Variants in RPF2 observed in about 807,000 individuals in gnomAD.
The protein encoded by RPF2 is ribosome production factor 2 homolog.
A neutral mutation model predicts 38.9 loss-of-function variants in RPF2; 21 were observed. The observed-to-expected ratio is 0.54, with a 90% CI of 0.38 to 0.78. The LOEUF is 0.78. Among genes scored for constraint, RPF2 ranks in the 30% least tolerant of loss-of-function variants. RPF2 has a pLI of 0.00. For missense variants in RPF2, 314 were observed against 358.1 expected (o/e 0.88, Z 0.99); for synonymous variants, 121 against 126.2 (o/e 0.96, Z 0.28).
chr6:111,002,058 T>A (rs951290207), intron 6 of RPF2, among the ~76,000 whole-genome samples: 1 of 152,148 alleles, frequency 6.6e-6, no homozygotes, highest in African/African-American at 2.4e-5. Context: ...GGAAGGCAGA[T>A]CACCTGAGCT....
intron 7 of RPF2, among the ~76,000 whole-genome samples, chr6:111,011,299 TC>T (rs780157715): frequency 0.066 from 9,736 of 146,716 alleles, 432 homozygotes; most frequent in Middle Eastern, 0.096. Context: ...TTTCTTTCTT[TC>T]TTTCTTTCTT....
At chr6:110,997,131 TA>T in intron 4 of RPF2, 51 bp from the exon 5 acceptor site, 1 of 1,182,900 alleles carries the variant, frequency 8.5e-7, no homozygotes, top group Non-Finnish European at 1.2e-6. Flanking sequence ...GTAAGATTCT[TA>T]AAGTTCTTAA....
rs771725217 is a variant in RPF2, at chr6:111,008,126, GTCT to G, written c.487_489del (p.Leu163del). On this transcript the variant is annotated inframe_deletion, in exon 7 of 10. Transcript: ENST00000441448. ...ACAGAAGATTATAGAAGACTAAAAAGTCTTCTTATTGGTAAGTATTTTAGTATT... is the reference window on the plus strand; with the variant it reads ...ACAGAAGATTATAGAAGACTAAAAAGTCTTATTGGTAAGTATTTTAGTATT... The G allele has an allele frequency of 3.2e-6, 5 of 1,584,732 alleles. No individual in the cohort carries two copies. Among genetic ancestry groups the G allele is most frequent in the South Asian group, 2.3e-5 (2 of 87,066 alleles).
At chr6:110,995,712 A>G (rs1771699851) in intron 4 of RPF2, among the ~76,000 whole-genome samples, 1 of 152,180 alleles carries the variant, frequency 6.6e-6, no homozygotes, top group African/African-American at 2.4e-5. Flanking sequence ...CATAATGTAA[A>G]AAGAGCTGTC....
intron 4 of RPF2, among the ~76,000 whole-genome samples, chr6:110,994,734 T>TATATATATAC (rs1436106936): frequency 1.5e-5 from 2 of 134,068 alleles, no homozygotes; most frequent in African/African-American, 6.4e-5. Context: ...TGAGTATATA[T>TATATATATAC]ACACACACAC....
At chr6:110,990,559 A>ACCCCC (rs34703789) in intron 3 of RPF2, among the ~76,000 whole-genome samples, 20 of 77,280 alleles carry the variant, frequency 2.6e-4, no homozygotes, top group Non-Finnish European at 4.4e-4. Flanking sequence ...GCAATTGGGA[A>ACCCCC]CCCCCCCCCC....
intron 8 of RPF2, among the ~76,000 whole-genome samples, chr6:111,018,728 T>C (rs1583275313): frequency 2.6e-5 from 4 of 152,310 alleles, no homozygotes; most frequent in Admixed American, 2.6e-4. Context: ...CAAAATGCAG[T>C]AAAATACCCA....
intron 7 of RPF2, among the ~76,000 whole-genome samples, chr6:111,008,822 C>A (rs1771961548): frequency 6.6e-6 from 1 of 150,870 alleles, no homozygotes; most frequent in Non-Finnish European, 1.5e-5. Context: ...TCTTATTTAT[C>A]CAGTTTCTAC....
At position 111,024,305 on chromosome 6, in the gene RPF2, T is replaced by C; in HGVS notation, c.719T>C (p.Met240Thr). 1 of 1,611,602 alleles carries C rather than the reference T, an allele frequency of 6.2e-7. No individual in the cohort carries two copies. Among genetic ancestry groups the C allele is most frequent in the South Asian group, 1.1e-5 (1 of 90,654 alleles). Reference protein sequence around the residue: ...LASDDLYKLSMKMPKALKPKK... With the variant: ...LASDDLYKLSTKMPKALKPKK... ...TCGGATGACCTTTATAAATTATCTATGAAAATGCCAAAAGCTCTCAAGGTA... is the reference window on the plus strand; with the variant it reads ...TCGGATGACCTTTATAAATTATCTACGAAAATGCCAAAAGCTCTCAAGGTA... Residue 240 changes from methionine to threonine, a missense_variant, in exon 9 of 10, where the codon ATG (methionine) becomes ACG (threonine). Physicochemically the swap from Met to Thr is moderately conservative, Grantham distance 81. Coordinates refer to ENST00000441448, the MANE Select transcript of RPF2 (RefSeq NM_032194.3).
chr6:111,013,884 C>G (rs757888956), intron 7 of RPF2, among the ~76,000 whole-genome samples: 2 of 152,096 alleles, frequency 1.3e-5, no homozygotes, highest in Admixed American at 1.3e-4. Context: ...AACCTGTAAT[C>G]CCAGCACTTT....
intron 2 of RPF2, among the ~76,000 whole-genome samples, chr6:110,987,999 T>G (rs906698646): frequency 6.6e-6 from 1 of 151,802 alleles, no homozygotes; most frequent in African/African-American, 2.4e-5. Context: ...AAATTAAATT[T>G]AAAAAAATAA....
chr6:111,009,074 G>A (rs1186486397), intron 7 of RPF2, among the ~76,000 whole-genome samples: 2 of 151,138 alleles, frequency 1.3e-5, no homozygotes, highest in African/African-American at 4.9e-5. Flanking sequence ...AATTTCTTTT[G>A]AGACGGAGTC....
intron 4 of RPF2, among the ~76,000 whole-genome samples, chr6:110,996,685 A>G (rs1325585723): frequency 1.3e-5 from 2 of 152,156 alleles, no homozygotes; most frequent in African/African-American, 4.8e-5. Context: ...AGTACCCCAA[A>G]TCAGGAAACT....
At position 111,026,841 on chromosome 6, in the gene RPF2, AC is replaced by A. The variant is rs1258492395; in HGVS notation, c.*1260del. ...AGTAATGTTGTAAAGGTACAGACATACGCAAATCATAATTTGTTACATGAAG... is the reference window on the plus strand; with the variant it reads ...AGTAATGTTGTAAAGGTACAGACATAGCAAATCATAATTTGTTACATGAAG... On this transcript the variant is annotated 3_prime_UTR_variant, in exon 10 of 10. Coordinates refer to ENST00000441448, the MANE Select transcript of RPF2 (RefSeq NM_032194.3). 6.6e-6 allele frequency: 1 copy of A among 152,196 alleles called. No homozygotes were observed. The highest frequency in any genetic ancestry group is 1.5e-5 in the Non-Finnish European group (1 of 68,046). The allele number at this position is 152,196 out of a possible 1,614,324, so 9.4% of individuals were successfully genotyped here.
chr6:111,008,713 G>A (rs1049657273), intron 7 of RPF2, among the ~76,000 whole-genome samples: 2 of 151,964 alleles, frequency 1.3e-5, no homozygotes, highest in Non-Finnish European at 2.9e-5. Flanking sequence ...AACCAATGTA[G>A]CTTGGCCTTC....
intron 5 of RPF2, among the ~76,000 whole-genome samples, chr6:110,998,065 C>T (rs747027234): frequency 3.3e-5 from 5 of 152,034 alleles, no homozygotes; most frequent in Non-Finnish European, 7.4e-5. Context: ...CCACCACACC[C>T]AGCTAATTTT....
rs766942456 is a variant in RPF2 at position 111,024,180 on chromosome 6, A to C, written c.597-3A>C. 1.9e-6 allele frequency: 3 copies of C among 1,584,908 alleles called. No individual in the cohort carries two copies. Among genetic ancestry groups the C allele is most frequent in the African/African-American group, 1.4e-5 (1 of 73,204 alleles). Reference sequence around the variant, plus strand: ...AACATTTCTTTTTACCTATTTCCTAAAGGTTGCTGTTGAAGAAATCTGGTT... The same window carrying C: ...AACATTTCTTTTTACCTATTTCCTACAGGTTGCTGTTGAAGAAATCTGGTT... On this transcript the variant is annotated splice_region_variant and splice_polypyrimidine_tract_variant and intron_variant, in intron 8 of 9. Coordinates refer to ENST00000441448, the MANE Select transcript of RPF2 (RefSeq NM_032194.3).
chr6:111,020,489 T>A (rs888294400), intron 8 of RPF2, among the ~76,000 whole-genome samples: 8 of 152,188 alleles, frequency 5.3e-5, no homozygotes, highest in African/African-American at 1.7e-4. Flanking sequence ...CACTTGTATT[T>A]AGTGAAAAGG....
At chr6:111,008,167 G>T (rs117856090) in intron 7 of RPF2, 30 bp downstream of exon 7, 42,455 of 1,572,514 alleles carry the variant, frequency 0.027, 649 homozygotes, top group Non-Finnish European at 0.033. Flanking sequence ...TTATCTTCAG[G>T]GTAGCTCAGG....
Sources: gnomAD v4.1 joint callset for allele counts (sites outside exome capture counted in the v4.1 genomes callset) on GRCh38, gnomAD v4.1.1 for gene constraint, MANE v1.5 for transcripts, NCBI Gene and HGNC (gene_info 2026-07-23, HGNC 2026-07-21) for gene names.